SLC39A11: variants seen among roughly 807,000 people sequenced by gnomAD.
The protein encoded by SLC39A11 is zinc transporter ZIP11.
In SLC39A11, 33 loss-of-function variants were observed where a neutral mutation model predicts 36.1. The ratio of observed to expected loss-of-function variants is 0.91; its 90% CI spans 0.69 to 1.22. SLC39A11 has a LOEUF of 1.22. SLC39A11 is among the 50% of genes most tolerant of loss of function. The pLI, the probability that SLC39A11 is intolerant of heterozygous loss-of-function variation, is 0.00. For missense variants in SLC39A11, 432 were observed against 430.3 expected (o/e 1.00, Z -0.03); for synonymous variants, 166 against 170.3 (o/e 0.97, Z 0.20).
intron 5 of SLC39A11, among the ~76,000 whole-genome samples, chr17:72,851,929 GCAGTAGCTCACAC>G (rs1476496273): frequency 6.6e-6 from 1 of 151,968 alleles, no homozygotes; most frequent in Non-Finnish European, 1.5e-5. Flanking sequence ...GTGGCCAGGC[GCAGTAGCTCACAC>G]CTGTAATCCC....
intron 5 of SLC39A11, among the ~76,000 whole-genome samples, chr17:72,893,170 A>G (rs925022433): frequency 6.6e-6 from 1 of 152,232 alleles, no homozygotes; most frequent in Non-Finnish European, 1.5e-5. Flanking sequence ...GAATGAAAAC[A>G]TATGGACCAG....
chr17:72,846,320 G>A (rs1234491442), intron 6 of SLC39A11, among the ~76,000 whole-genome samples: 1 of 152,162 alleles, frequency 6.6e-6, no homozygotes, highest in Non-Finnish European at 1.5e-5. Flanking sequence ...ATGAGCCACT[G>A]CACCTGGCCT....
At chr17:72,968,104 T>A (rs968688538) in intron 4 of SLC39A11, among the ~76,000 whole-genome samples, 1 of 152,164 alleles carries the variant, frequency 6.6e-6, no homozygotes, top group Non-Finnish European at 1.5e-5. Flanking sequence ...TGTTCCCTTG[T>A]GGGCCTGGAA....
At chr17:72,711,129 T>C (rs1001778283) in intron 7 of SLC39A11, among the ~76,000 whole-genome samples, 4 of 152,206 alleles carry the variant, frequency 2.6e-5, no homozygotes, top group Non-Finnish European at 4.4e-5. Context: ...CTAATTCTTA[T>C]GCAATCCTCA....
At chr17:72,653,004 C>T (rs886381797) in intron 7 of SLC39A11, among the ~76,000 whole-genome samples, 3 of 152,108 alleles carry the variant, frequency 2.0e-5, no homozygotes, top group African/African-American at 7.2e-5. Flanking sequence ...TGTCTGGAGG[C>T]TGGACGCTTC....
At chr17:73,076,615 T>A (rs1349671315) in intron 3 of SLC39A11, among the ~76,000 whole-genome samples, 1 of 152,136 alleles carries the variant, frequency 6.6e-6, no homozygotes, top group Non-Finnish European at 1.5e-5. Context: ...TCAAGACATA[T>A]ATTCAAAGCA....
At position 72,907,033 on chromosome 17, in the gene SLC39A11, T is replaced by C. The variant is rs537052432; in HGVS notation, c.430+40719A>G. Among the ~76,000 whole-genome samples the C allele has an allele frequency of 1.8e-4, 27 of 152,004 alleles. No individual in the cohort carries two copies. The South Asian group carries it at 5.6e-3, about 32-fold the overall frequency. On this transcript the variant is annotated intron_variant, in intron 5 of 9. Coordinates refer to ENST00000255559, the MANE Select transcript of SLC39A11 (RefSeq NM_139177.4). ...ACTGACCATCCCAGAAGAAGGAAAA[T>C]GGGCTGATTAAAGTCCCACAATCAC...
intron 3 of SLC39A11, among the ~76,000 whole-genome samples, chr17:73,071,431 C>T (rs1456398680): frequency 1.3e-5 from 2 of 152,206 alleles, no homozygotes; most frequent in Middle Eastern, 3.2e-3. Context: ...GGAAGAGCTG[C>T]TGCAGCACAG....
At chr17:72,687,320 A>G (rs2071804340) in intron 7 of SLC39A11, among the ~76,000 whole-genome samples, 3 of 151,896 alleles carry the variant, frequency 2.0e-5, no homozygotes, top group Admixed American at 1.3e-4. Context: ...CGATGGTGCG[A>G]TCTCGGCTCA....
chr17:72,902,864 T>C (rs1215120577), intron 5 of SLC39A11, among the ~76,000 whole-genome samples: 1 of 152,200 alleles, frequency 6.6e-6, no homozygotes, highest in Non-Finnish European at 1.5e-5. Context: ...AGAACTATTA[T>C]AGAGTGGATC....
chr17:72,674,073 AAAAT>A (rs2071144756), intron 7 of SLC39A11, among the ~76,000 whole-genome samples: 1 of 152,108 alleles, frequency 6.6e-6, no homozygotes, highest in African/African-American at 2.4e-5. Context: ...GTCTTTAAAA[AAAAT>A]AAATAAATAA....
At chr17:72,711,503 T>C (rs1463975924) in intron 7 of SLC39A11, among the ~76,000 whole-genome samples, 2 of 152,218 alleles carry the variant, frequency 1.3e-5, no homozygotes, top group Non-Finnish European at 2.9e-5. Context: ...CGTGGTGTCA[T>C]GCTACTTAAC....
At chr17:72,781,968 C>A (rs1376922972) in intron 6 of SLC39A11, among the ~76,000 whole-genome samples, 1 of 152,050 alleles carries the variant, frequency 6.6e-6, no homozygotes, top group African/African-American at 2.4e-5. Context: ...CTTCCTGCCT[C>A]TCTCTATATA....
chr17:72,734,998 T>G (rs1032557016), intron 7 of SLC39A11, among the ~76,000 whole-genome samples: 5 of 152,106 alleles, frequency 3.3e-5, no homozygotes, highest in African/African-American at 1.2e-4. Flanking sequence ...AGAAGAGCAG[T>G]CTGCAGGGTG....
At chr17:72,793,433 C>T (rs1369252564) in intron 6 of SLC39A11, among the ~76,000 whole-genome samples, 1 of 152,054 alleles carries the variant, frequency 6.6e-6, no homozygotes, top group Non-Finnish European at 1.5e-5. Context: ...TGCCTGGTAC[C>T]CTAAGGTGTT....
intron 7 of SLC39A11, among the ~76,000 whole-genome samples, chr17:72,684,728 T>G (rs1317681443): frequency 6.6e-6 from 1 of 152,210 alleles, no homozygotes; most frequent in Non-Finnish European, 1.5e-5. Flanking sequence ...AGGCTCACTC[T>G]GTTTGCAGAA....
In SLC39A11 at chr17:72,822,191, A is replaced by C. The variant is rs1033641072; in HGVS notation, c.601+27443T>G. Among the ~76,000 whole-genome samples, 14 of 150,558 alleles carry C rather than the reference A, an allele frequency of 9.3e-5. 1 individual carries two copies. The highest frequency in any genetic ancestry group is 4.0e-4 in the Admixed American group (6 of 15,088). Reference sequence around the variant, plus strand: ...GAAAAAGAGTACTCATATATGTACTACACATTATATGCACATATACTATAT... The same window carrying C: ...GAAAAAGAGTACTCATATATGTACTCCACATTATATGCACATATACTATAT... On this transcript the variant is annotated intron_variant, in intron 6 of 9. Coordinates refer to ENST00000255559, the MANE Select transcript of SLC39A11 (RefSeq NM_139177.4).
At chr17:72,880,561 G>GGAAAA (rs1184264742) in intron 5 of SLC39A11, among the ~76,000 whole-genome samples, 4 of 151,972 alleles carry the variant, frequency 2.6e-5, no homozygotes, top group East Asian at 1.9e-4. Context: ...CTCAAAAAAA[G>GGAAAA]GAAAAGAAAA....
chr17:72,934,030 T>TG (rs1467451344), intron 5 of SLC39A11, among the ~76,000 whole-genome samples: 1 of 150,150 alleles, frequency 6.7e-6, no homozygotes, highest in African/African-American at 2.4e-5. Flanking sequence ...AACATCCATA[T>TG]GAAAAAAAAA....
Sources: gnomAD v4.1 joint callset for allele counts (sites outside exome capture counted in the v4.1 genomes callset) on GRCh38, gnomAD v4.1.1 for gene constraint, MANE v1.5 for transcripts, NCBI Gene and HGNC (gene_info 2026-07-23, HGNC 2026-07-21) for gene names.